The following OR5A1 variants were observed in gnomAD, a reference collection of about 807,000 sequenced individuals.
OR5A1 encodes the protein olfactory receptor family 5 subfamily A member 1.
A neutral mutation model predicts 6.7 loss-of-function variants in OR5A1; 6 were observed. The ratio of observed to expected loss-of-function variants is 0.89; its 90% CI spans 0.49 to 1.76. The LOEUF (loss-of-function observed/expected upper bound fraction) is 1.76, where lower values mean the gene tolerates loss of function less well. OR5A1 is among the 40% of genes most tolerant of loss of function. The probability of loss-of-function intolerance (pLI) is 0.01; values close to 1 mark genes in which losing one functional copy is unlikely to be tolerated. For missense variants in OR5A1, 378 were observed against 381.7 expected (o/e 0.99, Z 0.08); for synonymous variants, 170 against 155.0 (o/e 1.10, Z -0.72).
rs1858571946 is a variant in OR5A1 at position 59,447,982 on chromosome 11, C to T, written c.*3866C>T. ...TCAGGGGTGTCCAATCTTTTGGCTT[C>T]CCTGGGCAACATTGGAAGAATTTGT... On this transcript the variant is annotated 3_prime_UTR_variant, in exon 2 of 2. Transcript: ENST00000641045. 6.6e-6 allele frequency: 1 copy of T among 152,118 alleles called. No individual in the cohort carries two copies. The highest frequency in any genetic ancestry group is 2.4e-5 in the African/African-American group (1 of 41,428). 9.4% of individuals were successfully genotyped at this position (152,118 alleles called of 1,614,324 possible).
rs1317756789 is a variant in OR5A1, at chr11:59,446,045, A to G, written c.*1929A>G. ...TGCAATTGCTTTTGACGTTTTCATC[A>G]TGAAATCTTTGCCAGTGCCTATGTC... On this transcript the variant is annotated 3_prime_UTR_variant, in exon 2 of 2. Transcript: ENST00000641045. 1 of 152,210 alleles carries G rather than the reference A, an allele frequency of 6.6e-6. No individual in the cohort carries two copies. Among genetic ancestry groups the G allele is most frequent in the Non-Finnish European group, 1.5e-5 (1 of 68,032 alleles). The allele number at this position is 152,210 out of a possible 1,614,324, so 9.4% of individuals were successfully genotyped here.
chr11:59,441,938 T>TA lies in OR5A1; in HGVS notation c.-33-1198_-33-1197insA, dbSNP rs1319956642. Among the ~76,000 whole-genome samples the TA allele has an allele frequency of 4.7e-5, 7 of 148,114 alleles. No individual in the cohort carries two copies. The East Asian group carries it at 1.0e-3, about 21-fold the overall frequency. On this transcript the variant is annotated intron_variant, in intron 1 of 1. Coordinates refer to ENST00000641045, the MANE Select transcript of OR5A1 (RefSeq NM_001004728.2). ...AGATAGATAAAGATGGATAGAGAGA[T>TA]GATAGATAGATAGATAGATAGATAG...
Position 59,449,453 on chromosome 11 carries a change from A to C in OR5A1, c.*5337A>C, listed in dbSNP as rs1858590699. 1 of 152,214 alleles carries C rather than the reference A, an allele frequency of 6.6e-6. No individual in the cohort carries two copies. The highest frequency in any genetic ancestry group is 2.4e-5 in the African/African-American group (1 of 41,468). 9.4% of individuals were successfully genotyped at this position (152,214 alleles called of 1,614,324 possible). On this transcript the variant is annotated 3_prime_UTR_variant, in exon 2 of 2. Transcript: ENST00000641045. Reference sequence around the variant, plus strand: ...AGGCTGATTAAGATCTCCTACTTCTAACCTAAAATACTGGGCTTCCTAAGA... The same window carrying C: ...AGGCTGATTAAGATCTCCTACTTCTCACCTAAAATACTGGGCTTCCTAAGA...
rs768786053 is a variant in OR5A1, at chr11:59,444,152, A to C, written c.*36A>C. 2.0e-5 allele frequency: 29 copies of C among 1,414,838 alleles called. No homozygotes were observed. Among genetic ancestry groups the C allele is most frequent in the Non-Finnish European group, 2.5e-5 (25 of 1,013,774 alleles). The allele number at this position is 1,414,838 out of a possible 1,614,324, so 87.6% of individuals were successfully genotyped here. ...GAAACTTATTTATCCAAACTGCTGG[A>C]GAATTAAACAATCCAAGCCTTCACC... On this transcript the variant is annotated 3_prime_UTR_variant, in exon 2 of 2. Coordinates refer to ENST00000641045, the MANE Select transcript of OR5A1 (RefSeq NM_001004728.2).
At position 59,444,336 on chromosome 11, in the gene OR5A1, A is replaced by G. The variant is rs77855901; in HGVS notation, c.*220A>G. On this transcript the variant is annotated 3_prime_UTR_variant, in exon 2 of 2. Transcript: ENST00000641045. ...TTTCTTCAGAAAAAAAAAAAAAAAA[A>G]AAAGAACCTCCCCAGGATAACCTAT... is the stretch of plus-strand genomic sequence containing the variant. 5.5e-6 allele frequency: 2 copies of G among 366,796 alleles called. No homozygotes were observed. Among genetic ancestry groups the G allele is most frequent in the Non-Finnish European group, 9.9e-6 (2 of 201,200 alleles). The allele number at this position is 366,796 out of a possible 1,614,324, so 22.7% of individuals were successfully genotyped here. A position where few individuals can be genotyped will look rare whatever the true frequency, so the allele number is the denominator to read the frequency against.
At chr11:59,438,191 C>G (rs1302381971) in intron 1 of OR5A1, among the ~76,000 whole-genome samples, 2 of 152,140 alleles carry the variant, frequency 1.3e-5, no homozygotes, top group African/African-American at 4.8e-5. Context: ...AACCTCTTTT[C>G]TTTATAAATT....
At position 59,444,344 on chromosome 11, in the gene OR5A1, C is replaced by T. The variant is rs1372938136; in HGVS notation, c.*228C>T. The T allele has an allele frequency of 3.1e-6, 1 of 321,908 alleles. No individual in the cohort carries two copies. Among genetic ancestry groups the T allele is most frequent in the African/African-American group, 2.2e-5 (1 of 46,408 alleles). The allele number at this position is 321,908 out of a possible 1,614,324, so 19.9% of individuals were successfully genotyped here. ...GAAAAAAAAAAAAAAAAAAAAGAACCTCCCCAGGATAACCTATTTTCACAA... is the reference window on the plus strand; with the variant it reads ...GAAAAAAAAAAAAAAAAAAAAGAACTTCCCCAGGATAACCTATTTTCACAA... On this transcript the variant is annotated 3_prime_UTR_variant, in exon 2 of 2. Coordinates refer to ENST00000641045, the MANE Select transcript of OR5A1 (RefSeq NM_001004728.2).
intron 1 of OR5A1, among the ~76,000 whole-genome samples, chr11:59,442,648 C>CTTA (rs1448241153): frequency 6.6e-6 from 1 of 152,132 alleles, no homozygotes; most frequent in Non-Finnish European, 1.5e-5. Flanking sequence ...CATAGCTGAA[C>CTTA]CTAGTTCCGT....
intron 1 of OR5A1, among the ~76,000 whole-genome samples, chr11:59,439,567 C>T (rs1424311867): frequency 6.6e-6 from 1 of 152,206 alleles, no homozygotes; most frequent in African/African-American, 2.4e-5. Context: ...GCACTCCATA[C>T]AATCCTTAAG....
rs1352403863 is a variant in OR5A1, at chr11:59,447,145, T to C, written c.*3029T>C. Reference sequence around the variant, plus strand: ...CCATTGAGTGGAAGCTGACTCAGCATGGCTCCTGAGACTAAACTCATAAAC... The same window carrying C: ...CCATTGAGTGGAAGCTGACTCAGCACGGCTCCTGAGACTAAACTCATAAAC... On this transcript the variant is annotated 3_prime_UTR_variant, in exon 2 of 2. Coordinates refer to ENST00000641045, the MANE Select transcript of OR5A1 (RefSeq NM_001004728.2). 6.6e-6 allele frequency: 1 copy of C among 152,248 alleles called. No homozygotes were observed. Among genetic ancestry groups the C allele is most frequent in the Non-Finnish European group, 1.5e-5 (1 of 68,042 alleles). 9.4% of individuals were successfully genotyped at this position (152,248 alleles called of 1,614,324 possible). A position where few individuals can be genotyped will look rare whatever the true frequency, so the allele number is the denominator to read the frequency against.
At chr11:59,441,981 TA>T (rs199873772) in intron 1 of OR5A1, among the ~76,000 whole-genome samples, 45 of 137,810 alleles carry the variant, frequency 3.3e-4, no homozygotes, top group Admixed American at 6.8e-4. Context: ...GATAGATAGA[TA>T]GATAGATGAT....
At position 59,443,551 on chromosome 11, in the gene OR5A1, C is replaced by T. The variant is rs200946342; in HGVS notation, c.383C>T (p.Ala128Val). The change falls in exon 2 of 2, where the codon GCC (alanine) becomes GTC (valine). Residue 128 changes from alanine (A) to valine (V), a missense_variant. Transcript: ENST00000641045. Reference protein sequence around the residue: ...LTAMAYDRYAAISSPLLYPTI... With the variant: ...LTAMAYDRYAVISSPLLYPTI... ...GCTATGGCATACGACCGATATGCAG[C>T]CATCTCCAGCCCCCTTCTCTACCCC... is the stretch of plus-strand genomic sequence containing the variant. 1.9e-6 allele frequency: 3 copies of T among 1,613,936 alleles called. No homozygotes were observed. The highest frequency in any genetic ancestry group is 2.5e-6 in the Non-Finnish European group (3 of 1,180,020).
At chr11:59,443,075 C>G (rs1273744969) in intron 1 of OR5A1, 61 bp from the exon 2 acceptor site, 1 of 888,652 alleles carries the variant, frequency 1.1e-6, no homozygotes, top group East Asian at 2.4e-5. Context: ...CCCTCCCTCT[C>G]AGGCATTTTG....
In OR5A1 at chr11:59,438,229, G is replaced by A. The variant is rs546923112; in HGVS notation, c.-34+1394G>A. ...CCAGCCTCAGGTAGTCCTGAAAAAC[G>A]GCCTAATACACTATTCTATATTGTC... On this transcript the variant is annotated intron_variant, in intron 1 of 1. Transcript: ENST00000641045. Among the ~76,000 whole-genome samples, 116 of 152,086 alleles carry A rather than the reference G, an allele frequency of 7.6e-4. 2 individuals carry two copies. Among genetic ancestry groups the A allele is most frequent in the African/African-American group, 2.5e-3 (105 of 41,474 alleles).
intron 1 of OR5A1, among the ~76,000 whole-genome samples, chr11:59,442,912 G>C: frequency 6.6e-6 from 1 of 152,070 alleles, no homozygotes; most frequent in Non-Finnish European, 1.5e-5. Context: ...AGGGATTTTG[G>C]GTTCAAAAGT....
chr11:59,450,456 C>T lies in OR5A1; in HGVS notation c.*6340C>T, dbSNP rs531093691. On this transcript the variant is annotated 3_prime_UTR_variant, in exon 2 of 2. Coordinates refer to ENST00000641045, the MANE Select transcript of OR5A1 (RefSeq NM_001004728.2). ...AGCTGTCTTTCCCACACACCCTTTT[C>T]CATAATAAGTCAGCTTCTTAGAACA... 2.0e-5 allele frequency: 3 copies of T among 152,206 alleles called. No individual in the cohort carries two copies. The highest frequency in any genetic ancestry group is 7.2e-5 in the African/African-American group (3 of 41,534). The allele number at this position is 152,206 out of a possible 1,614,324, so 9.4% of individuals were successfully genotyped here. A position where few individuals can be genotyped will look rare whatever the true frequency, so the allele number is the denominator to read the frequency against.
At chr11:59,439,336 T>A (rs916219892) in intron 1 of OR5A1, among the ~76,000 whole-genome samples, 4 of 151,386 alleles carry the variant, frequency 2.6e-5, no homozygotes, top group Non-Finnish European at 4.4e-5. Flanking sequence ...TTCACAAAGA[T>A]GCTGGAACTG....
rs767983741 is a variant in OR5A1 at position 59,446,935 on chromosome 11, T to C, written c.*2819T>C. On this transcript the variant is annotated 3_prime_UTR_variant, in exon 2 of 2. Coordinates refer to ENST00000641045, the MANE Select transcript of OR5A1 (RefSeq NM_001004728.2). ...GAAAGCAGAGATCCCTTCTCAGGTT[T>C]CCTGGGTTCTTCATCCTCTAAATTC... 6.6e-6 allele frequency: 1 copy of C among 152,234 alleles called. No individual in the cohort carries two copies. The highest frequency in any genetic ancestry group is 1.5e-5 in the Non-Finnish European group (1 of 68,038). 9.4% of individuals were successfully genotyped at this position (152,234 alleles called of 1,614,324 possible). A position where few individuals can be genotyped will look rare whatever the true frequency, so the allele number is the denominator to read the frequency against.
At chr11:59,438,040 C>G (rs1267936075) in intron 1 of OR5A1, among the ~76,000 whole-genome samples, 1 of 152,172 alleles carries the variant, frequency 6.6e-6, no homozygotes, top group Non-Finnish European at 1.5e-5. Flanking sequence ...GTTGCTCTCT[C>G]TCTCTTGCAT....
Sources: gnomAD v4.1 joint callset for allele counts (sites outside exome capture counted in the v4.1 genomes callset) on GRCh38, gnomAD v4.1.1 for gene constraint, MANE v1.5 for transcripts, NCBI Gene and HGNC (gene_info 2026-07-23, HGNC 2026-07-21) for gene names.